Variants in ADGRV1 observed in about 807,000 individuals in gnomAD.
The protein encoded by ADGRV1 is adhesion G protein-coupled receptor V1.
ADGRV1 carries 359 observed loss-of-function variants against 596.2 expected under a neutral mutation model. The ratio of observed to expected loss-of-function variants is 0.60; its 90% CI spans 0.55 to 0.66. ADGRV1 has a LOEUF of 0.66. ADGRV1 is among the 30% of genes least tolerant of loss of function. ADGRV1 has a pLI of 0.00. For missense variants in ADGRV1, 7,274 were observed against 7,575.6 expected, an observed-to-expected ratio of 0.96 and a Z score of 1.48; for synonymous variants, 2,681 against 2,679.2, an observed-to-expected ratio of 1.00 and a Z score of -0.02.
At chr5:91,004,011 G>A (rs1782060125) in intron 85 of ADGRV1, among the ~76,000 whole-genome samples, 1 of 152,110 alleles carries the variant, frequency 6.6e-6, no homozygotes, top group African/African-American at 2.4e-5. Context: ...TATACATTCA[G>A]ATTAAACATG....
At chr5:90,775,841 C>T (rs1026353282) in intron 60 of ADGRV1, among the ~76,000 whole-genome samples, 1 of 152,058 alleles carries the variant, frequency 6.6e-6, no homozygotes, top group South Asian at 2.1e-4. Context: ...TCCATTAATC[C>T]ATTGCCAAAG....
intron 10 of ADGRV1, among the ~76,000 whole-genome samples, 163 bp downstream of exon 10, chr5:90,635,453 T>C (rs1766059590): frequency 6.6e-6 from 1 of 152,236 alleles, no homozygotes; most frequent in Non-Finnish European, 1.5e-5. Context: ...GATGAGTATG[T>C]GATTTTTCCA....
chr5:90,843,697 A>G (rs753591667), intron 78 of ADGRV1, among the ~76,000 whole-genome samples: 9 of 152,198 alleles, frequency 5.9e-5, no homozygotes, highest in Admixed American at 1.3e-4. Context: ...TTCTCTTAGC[A>G]TACACCAAAG....
At chr5:90,722,498 G>A (rs1402769135) in intron 45 of ADGRV1, among the ~76,000 whole-genome samples, 6 of 151,434 alleles carry the variant, frequency 4.0e-5, no homozygotes, top group African/African-American at 7.3e-5. Flanking sequence ...ATCACCTGGG[G>A]TCGGGAGTTT....
At chr5:90,792,246 C>T (rs973632624) in intron 70 of ADGRV1, 4 of 152,184 alleles carry the variant, frequency 2.6e-5, no homozygotes, top group Non-Finnish European at 4.4e-5. Context: ...AAATCAACTC[C>T]ATGAAGGCTT....
chr5:90,928,498 G>C (rs377752738), intron 83 of ADGRV1, among the ~76,000 whole-genome samples: 1,951 of 146,324 alleles, frequency 0.013, 64 homozygotes, highest in African/African-American at 0.051. Flanking sequence ...CCTTTAAGCA[G>C]TTCCCTGTAT....
rs757354820 is a variant in ADGRV1 at position 90,753,740 on chromosome 5, C to G, written c.11288C>G (p.Ser3763Cys). ...GATIDQDRSK[S>C]VITTLPNDSP... ...ACTATTGATCAGGACAGAAGCAAGTCTGTTATAACAACTTTGCCCAATGAC... is the reference window on the plus strand; with the variant it reads ...ACTATTGATCAGGACAGAAGCAAGTGTGTTATAACAACTTTGCCCAATGAC... The change falls in exon 54 of 90, where the codon TCT (serine) becomes TGT (cysteine). Residue 3763 changes from serine to cysteine, a missense_variant. Around this residue, in one of 5 missense-constraint regions of ADGRV1, gnomAD observed 3,643 missense variants for 3,809.2 expected, o/e 0.96. Transcript: ENST00000405460. 2 of 1,613,404 alleles carry G rather than the reference C, an allele frequency of 1.2e-6. No homozygotes were observed. The highest frequency in any genetic ancestry group is 2.2e-5 in the East Asian group (1 of 44,868).
intron 84 of ADGRV1, among the ~76,000 whole-genome samples, chr5:90,974,601 A>T (rs1192900588): frequency 2.0e-5 from 3 of 152,252 alleles, no homozygotes; most frequent in African/African-American, 7.2e-5. Flanking sequence ...CAATAGGGAA[A>T]GGATTCCCTA....
rs1286297719 is a variant in ADGRV1 at position 90,725,088 on chromosome 5, T to C, written c.9909T>C (p.Asp3303=). Residue 3303 remains aspartate (D), a splice_region_variant and synonymous_variant, in exon 47 of 90, where the codon GAT becomes GAC. Coordinates refer to ENST00000405460, the MANE Select transcript of ADGRV1 (RefSeq NM_032119.4). ...RWQGIFIPVE[D]LNIENPKTCE... ...TATTCTTATTCCTCATTTTCTAGGATTTAAATATAGAAAATCCTAAAACTT... is the reference window on the plus strand; with the variant it reads ...TATTCTTATTCCTCATTTTCTAGGACTTAAATATAGAAAATCCTAAAACTT... 1.3e-6 allele frequency: 2 copies of C among 1,540,330 alleles called. No individual in the cohort carries two copies. The highest frequency in any genetic ancestry group is 8.8e-7 in the Non-Finnish European group (1 of 1,137,120).
intron 1 of ADGRV1, among the ~76,000 whole-genome samples, chr5:90,569,379 ATATATATATTTTTTTTTT>A (rs1383669032): frequency 3.1e-4 from 7 of 22,290 alleles, no homozygotes; most frequent in African/African-American, 2.5e-4. Context: ...ATATATATAT[ATATATATATTTTTTTTTT>A]TTTTTTTTTT....
rs1460870267 is a variant in ADGRV1, at chr5:90,810,843, C to T, written c.15583C>T (p.Leu5195Phe). ...TGCCATCCCTGAGAAACTTGTCACCCTTCATGGCACACCTGCTGTGTCTGA... is the reference window on the plus strand; with the variant it reads ...TGCCATCCCTGAGAAACTTGTCACCTTTCATGGCACACCTGCTGTGTCTGA... ...VSAIPEKLVT[L>F]HGTPAVSEKP... The change falls in exon 74 of 90, where the codon CTT (leucine) becomes TTT (phenylalanine). Residue 5195 changes from leucine to phenylalanine, a missense_variant. Coordinates refer to ENST00000405460, the MANE Select transcript of ADGRV1 (RefSeq NM_032119.4). 7 of 1,614,030 alleles carry T rather than the reference C, an allele frequency of 4.3e-6. No homozygotes were observed. The highest frequency in any genetic ancestry group is 5.1e-6 in the Non-Finnish European group (6 of 1,179,904).
At chr5:90,663,830 T>C (rs1396600913) in intron 21 of ADGRV1, among the ~76,000 whole-genome samples, 2 of 152,072 alleles carry the variant, frequency 1.3e-5, no homozygotes, top group Non-Finnish European at 2.9e-5. Flanking sequence ...TTTCTACATA[T>C]GGCTAGCCAA....
chr5:90,815,475 T>C lies in ADGRV1; in HGVS notation c.16079-144T>C, dbSNP rs1296436433. 2.2e-5 allele frequency: 11 copies of C among 499,668 alleles called. No individual in the cohort carries two copies. In the South Asian group the frequency reaches 3.4e-4, roughly 15 times the overall value. 31.0% of individuals were successfully genotyped at this position (499,668 alleles called of 1,614,324 possible). ...TTATCACAGTTTAGTTTATTTTTAATAAAGATCTTTTAACAACTGTAGCTC... is the reference window on the plus strand; with the variant it reads ...TTATCACAGTTTAGTTTATTTTTAACAAAGATCTTTTAACAACTGTAGCTC... On this transcript the variant is annotated intron_variant, in intron 74 of 89. Coordinates refer to ENST00000405460, the MANE Select transcript of ADGRV1 (RefSeq NM_032119.4).
rs5869516 is a variant in ADGRV1 at position 90,755,267 on chromosome 5, A to ATCT, written c.11580+84_11580+86dup. On this transcript the variant is annotated intron_variant, in intron 55 of 89. Transcript: ENST00000405460. Reference sequence around the variant, plus strand: ...AATTGTGATGCTCTTGTAAGTAAAAATCTTTTTTTTAATAAAAGGATTCTT... The same window carrying ATCT: ...AATTGTGATGCTCTTGTAAGTAAAAATCTTCTTTTTTTTAATAAAAGGATTCTT... The ATCT allele has an allele frequency of 0.4, 339,229 of 845,742 alleles. 73,771 individuals are homozygous for ATCT. Among genetic ancestry groups the ATCT allele is most frequent in the Admixed American group, 0.56 (19,207 of 34,086 alleles). 52.4% of individuals were successfully genotyped at this position (845,742 alleles called of 1,614,324 possible).
Position 90,788,321 on chromosome 5 carries a change from C to G in ADGRV1, c.13893+11C>G. 6.3e-7 allele frequency: 1 copy of G among 1,576,336 alleles called. No individual in the cohort carries two copies. Among genetic ancestry groups the G allele is most frequent in the African/African-American group, 1.4e-5 (1 of 73,940 alleles). ...GATGTTACATTAACCGTATGTATGG[C>G]TTTATTTTTCTCACAAAATGTGGAT... On this transcript the variant is annotated intron_variant, in intron 68 of 89. Coordinates refer to ENST00000405460, the MANE Select transcript of ADGRV1 (RefSeq NM_032119.4).
At chr5:91,108,852 C>T (rs185172064) in intron 87 of ADGRV1, among the ~76,000 whole-genome samples, 2 of 152,266 alleles carry the variant, frequency 1.3e-5, no homozygotes, top group Admixed American at 1.3e-4. Flanking sequence ...CCACCTCAGC[C>T]TCCCAAAGTG....
chr5:90,559,189 A>G (rs1754485061), intron 1 of ADGRV1, among the ~76,000 whole-genome samples: 1 of 152,152 alleles, frequency 6.6e-6, no homozygotes, highest in Non-Finnish European at 1.5e-5. Flanking sequence ...TCTGATCTCA[A>G]AGAAGGTGAG....
intron 86 of ADGRV1, among the ~76,000 whole-genome samples, chr5:91,101,290 T>C (rs1791356242): frequency 6.6e-6 from 1 of 152,152 alleles, no homozygotes; most frequent in Non-Finnish European, 1.5e-5. Context: ...AATTTGAAAA[T>C]TGCTAAAGTT....
At position 90,948,744 on chromosome 5, in the gene ADGRV1, G is replaced by A. The variant is rs556079228; in HGVS notation, c.17857-16671G>A. On this transcript the variant is annotated intron_variant, in intron 83 of 89. Coordinates refer to ENST00000405460, the MANE Select transcript of ADGRV1 (RefSeq NM_032119.4). ...CTACAGTTGCACAAAATCATCTAAC[G>A]CAAAGTCTATTTTATAATAAAGTGT... Among the ~76,000 whole-genome samples the A allele has an allele frequency of 3.9e-5, 6 of 152,120 alleles. 1 individual carries two copies. Among genetic ancestry groups the A allele is most frequent in the African/African-American group, 7.2e-5 (3 of 41,514 alleles).
Sources: gnomAD v4.1 joint callset for allele counts (sites outside exome capture counted in the v4.1 genomes callset) on GRCh38, gnomAD v4.1.1 for gene constraint, gnomAD v4.1.1 regional missense constraint, MANE v1.5 for transcripts, NCBI Gene and HGNC (gene_info 2026-07-23, HGNC 2026-07-21) for gene names.